Variants in SMC5 observed in about 807,000 individuals in gnomAD.
The protein encoded by SMC5 is structural maintenance of chromosomes protein 5.
A neutral mutation model predicts 148.3 loss-of-function variants in SMC5; 88 were observed. The ratio of observed to expected loss-of-function variants is 0.59; its 90% CI spans 0.50 to 0.71. The LOEUF is 0.71. Among genes scored for constraint, SMC5 ranks in the 30% least tolerant of loss-of-function variants. The pLI is 0.00. For missense variants in SMC5, 1,142 were observed against 1,298.9 expected, an observed-to-expected ratio of 0.88 and a Z score of 1.86; for synonymous variants, 421 against 432.8, an observed-to-expected ratio of 0.97 and a Z score of 0.34.
chr9:70,302,502 A>T (rs1380831805), intron 10 of SMC5, among the ~76,000 whole-genome samples: 11 of 149,532 alleles, frequency 7.4e-5, no homozygotes, highest in East Asian at 4.0e-4. Flanking sequence ...AAGAAAAAAA[A>T]ATATATATAT....
At position 70,305,279 on chromosome 9, in the gene SMC5, T is replaced by A; in HGVS notation, c.1497T>A (p.Tyr499Ter). 3 of 1,590,826 alleles carry A rather than the reference T, an allele frequency of 1.9e-6. No individual in the cohort carries two copies. The South Asian group carries it at 3.4e-5, about 18-fold the overall frequency. The change falls in exon 11 of 25, where the codon TAT (tyrosine) becomes TAA (stop). Residue 499 changes from tyrosine to a stop codon, truncating the protein, a stop_gained. Coordinates refer to ENST00000361138, the MANE Select transcript of SMC5 (RefSeq NM_015110.4). LOFTEE classifies it high-confidence loss of function. The stretch of plus-strand genomic sequence containing the variant: ...TGAAAGATAATAAAAATGCCAAATA[T>A]ATTGAAAATCATATTCCATCAAATG... Reference protein sequence around the residue: ...INMKDNKNAKYIENHIPSNDL... With the variant: ...INMKDNKNAK
At chr9:70,289,438 G>C (rs374433449) in intron 8 of SMC5, among the ~76,000 whole-genome samples, 6 of 151,938 alleles carry the variant, frequency 3.9e-5, no homozygotes, top group Non-Finnish European at 7.4e-5. Context: ...AGATTTTAAA[G>C]CTTTCTTATT....
chr9:70,306,331 G>A (rs1257549011), intron 11 of SMC5, among the ~76,000 whole-genome samples: 1 of 152,160 alleles, frequency 6.6e-6, no homozygotes, highest in Non-Finnish European at 1.5e-5. Flanking sequence ...TGGTACACAA[G>A]TGCTTGGAAA....
In SMC5 at chr9:70,353,090, G is replaced by T. The variant is rs2036840167; in HGVS notation, c.*759G>T. On this transcript the variant is annotated 3_prime_UTR_variant, in exon 25 of 25. Coordinates refer to ENST00000361138, the MANE Select transcript of SMC5 (RefSeq NM_015110.4). Reference sequence around the variant, plus strand: ...AACCTTTTAAAGTGTGGGGGCAGGGGTTGCTTTTTTTTATTTTATTTAAAG... The same window carrying T: ...AACCTTTTAAAGTGTGGGGGCAGGGTTTGCTTTTTTTTATTTTATTTAAAG... 6.6e-6 allele frequency: 1 copy of T among 151,654 alleles called. No homozygotes were observed. 9.4% of individuals were successfully genotyped at this position (151,654 alleles called of 1,614,324 possible).
Position 70,346,690 on chromosome 9 carries a change from C to T in SMC5, c.2568+41C>T, listed in dbSNP as rs755338533. On this transcript the variant is annotated intron_variant, in intron 19 of 24. Transcript: ENST00000361138. ...TCTTTTTTCCCAAGCTCCTGTTTTC[C>T]CTCTGCCTTGCTCCTCCCTAGCCAT... The T allele has an allele frequency of 1.9e-6, 3 of 1,607,560 alleles. No individual in the cohort carries two copies. The African/African-American group carries it at 4.0e-5, about 22-fold the overall frequency.
At chr9:70,328,065 G>A (rs958618615) in intron 17 of SMC5, among the ~76,000 whole-genome samples, 3 of 151,872 alleles carry the variant, frequency 2.0e-5, no homozygotes, top group African/African-American at 7.3e-5. Flanking sequence ...AGGGGAATCC[G>A]CCCCCATTAT....
chr9:70,287,906 C>G (rs1314317910), intron 8 of SMC5, among the ~76,000 whole-genome samples: 2 of 152,176 alleles, frequency 1.3e-5, no homozygotes, highest in Non-Finnish European at 2.9e-5. Context: ...TCACCCTTTA[C>G]ACTATGGTTC....
intron 11 of SMC5, among the ~76,000 whole-genome samples, chr9:70,309,316 T>TC (rs2035593477): frequency 8.1e-6 from 1 of 124,190 alleles, no homozygotes; most frequent in African/African-American, 2.9e-5. Context: ...TTTTTCCTTT[T>TC]CCTTTTTTTT....
chr9:70,269,541 A>C (rs899658482), intron 3 of SMC5, among the ~76,000 whole-genome samples: 2 of 152,156 alleles, frequency 1.3e-5, no homozygotes, highest in Non-Finnish European at 2.9e-5. Flanking sequence ...TGATTGTGCC[A>C]CCGCACTCCA....
In SMC5 at chr9:70,343,709, G is replaced by A. The variant is rs554538517; in HGVS notation, c.2398-435G>A. ...TACACATCTGTAATCTCAGCTACTC[G>A]GGAGGCTGAGGCGTGATAATCACTT... is the stretch of plus-strand genomic sequence containing the variant. On this transcript the variant is annotated intron_variant, in intron 17 of 24. Transcript: ENST00000361138. 1.2e-4 allele frequency among the ~76,000 whole-genome samples: 19 copies of A among 152,164 alleles called. No homozygotes were observed. The South Asian group carries it at 3.3e-3, about 27-fold the overall frequency.
chr9:70,302,040 C>G (rs1009858112), intron 10 of SMC5, among the ~76,000 whole-genome samples: 2 of 152,122 alleles, frequency 1.3e-5, no homozygotes, highest in East Asian at 3.9e-4. Flanking sequence ...AGGGAACATC[C>G]CAAGAAACTG....
intron 8 of SMC5, among the ~76,000 whole-genome samples, chr9:70,287,355 A>T (rs763971162): frequency 1.1e-4 from 17 of 150,852 alleles, no homozygotes; most frequent in Admixed American, 7.3e-4. Flanking sequence ...GGTTCTCTTT[A>T]TGGTTAAAAG....
intron 15 of SMC5, among the ~76,000 whole-genome samples, chr9:70,322,460 G>A (rs1188410866): frequency 1.3e-5 from 2 of 152,188 alleles, no homozygotes; most frequent in Admixed American, 6.5e-5. Context: ...GTCTCTGCCT[G>A]ACTAGTCACT....
intron 18 of SMC5, among the ~76,000 whole-genome samples, chr9:70,345,199 A>T (rs945543131): frequency 6.6e-6 from 1 of 152,114 alleles, no homozygotes; most frequent in Non-Finnish European, 1.5e-5. Flanking sequence ...CAGAAAAAGC[A>T]TGATTCTATT....
chr9:70,332,842 G>C (rs1001814097), intron 17 of SMC5, among the ~76,000 whole-genome samples: 2 of 152,120 alleles, frequency 1.3e-5, no homozygotes, highest in Non-Finnish European at 2.9e-5. Flanking sequence ...AAAACTAGAT[G>C]ATCATTTCAA....
intron 11 of SMC5, chr9:70,311,657 C>T (rs762628910): frequency 1.3e-5 from 2 of 149,444 alleles, no homozygotes; most frequent in Non-Finnish European, 3.0e-5. Context: ...ACTTTAATGA[C>T]ACTATGTTAG....
intron 8 of SMC5, chr9:70,286,654 T>C (rs906653550): frequency 1.9e-5 from 3 of 160,404 alleles, no homozygotes; most frequent in Non-Finnish European, 4.1e-5. Context: ...AAAATGCGTA[T>C]GTACCTTTAT....
intron 21 of SMC5, 59 bp from the exon 22 acceptor site, chr9:70,347,860 G>T: frequency 1.4e-6 from 2 of 1,467,492 alleles, no homozygotes; most frequent in Non-Finnish European, 1.8e-6. Context: ...ATAAAATTGT[G>T]TGTCAGAATA....
At chr9:70,345,645 T>G (rs1037486365) in intron 18 of SMC5, among the ~76,000 whole-genome samples, 1 of 151,946 alleles carries the variant, frequency 6.6e-6, no homozygotes, top group Non-Finnish European at 1.5e-5. Context: ...TTAAAAATTA[T>G]CCAAGCAGAG....
Sources: allele counts gnomAD v4.1 joint callset (sites outside exome capture counted in the v4.1 genomes callset), GRCh38; gene constraint gnomAD v4.1.1; transcripts MANE v1.5; gene names NCBI Gene and HGNC (gene_info 2026-07-23, HGNC 2026-07-21).